JAK2: variants seen among roughly 807,000 people sequenced by gnomAD.
JAK2 encodes Janus kinase 2.
In JAK2, 86 loss-of-function variants were observed where a neutral mutation model predicts 139.3. The observed-to-expected ratio is 0.62, with a 90% CI of 0.52 to 0.74. The LOEUF (loss-of-function observed/expected upper bound fraction) is 0.74. JAK2 is among the 30% of genes least tolerant of loss of function. JAK2 has a pLI of 0.00. For missense variants in JAK2, 1,421 were observed against 1,360.3 expected, an observed-to-expected ratio of 1.04 and a Z score of -0.70; for synonymous variants, 490 against 437.7, an observed-to-expected ratio of 1.12 and a Z score of -1.49.
chr9:5,059,946 G>C (rs146409470), intron 8 of JAK2, among the ~76,000 whole-genome samples: 2 of 152,050 alleles, frequency 1.3e-5, no homozygotes, highest in Non-Finnish European at 2.9e-5. Flanking sequence ...TCTTTTGTAG[G>C]ATGTTTGTAA....
chr9:5,050,583 G>C, intron 5 of JAK2, 103 bp from the exon 6 acceptor site: 1 of 1,228,004 alleles, frequency 8.1e-7, no homozygotes, highest in Non-Finnish European at 1.1e-6. Context: ...TTTGTATCTT[G>C]TAAATGCATA....
chr9:5,041,149 C>T, intron 4 of JAK2: 2 of 1,118,726 alleles, frequency 1.8e-6, no homozygotes, highest in Non-Finnish European at 2.6e-6. Context: ...TCCGGCTGAT[C>T]ACGCGCATGG....
intron 4 of JAK2, among the ~76,000 whole-genome samples, chr9:5,038,595 GATT>G (rs759885892): frequency 2.3e-5 from 2 of 87,446 alleles, no homozygotes; most frequent in African/African-American, 1.5e-4. Context: ...TTGGATTTTA[GATT>G]TTTTTTTTTT....
At chr9:5,041,312 C>T (rs1816490356) in intron 4 of JAK2, 8 of 789,656 alleles carry the variant, frequency 1.0e-5, no homozygotes, top group Non-Finnish European at 1.7e-5. Context: ...GAAGCACATC[C>T]CGTGCAGCCA....
chr9:5,093,465 C>T (rs62543877), intron 22 of JAK2, among the ~76,000 whole-genome samples: 3 of 151,964 alleles, frequency 2.0e-5, no homozygotes, highest in Non-Finnish European at 2.9e-5. Context: ...CTGTCTCTTA[C>T]GTTTAATCAG....
chr9:5,023,344 T>G (rs1055030337), intron 3 of JAK2, among the ~76,000 whole-genome samples: 1 of 152,170 alleles, frequency 6.6e-6, no homozygotes, highest in African/African-American at 2.4e-5. Context: ...ATTACATTCT[T>G]TTTTACGATG....
In JAK2 at chr9:5,054,548, CT is replaced by C. The variant is rs750701291; in HGVS notation, c.615-9del. 9.1e-6 allele frequency: 14 copies of C among 1,537,172 alleles called. No individual in the cohort carries two copies. In the African/African-American group the frequency reaches 1.8e-4, roughly 20 times the overall value. On this transcript the variant is annotated splice_polypyrimidine_tract_variant and intron_variant, in intron 6 of 24. Coordinates refer to ENST00000381652, the MANE Select transcript of JAK2 (RefSeq NM_004972.4). The surrounding 1 kb of genome is among the most constrained non-coding windows in gnomAD (Gnocchi z 4.9). ...GTTTTGTTTTGTTTTTCTGTATGTG[CT>C]TTTTTATCCCTAGCTACAAGACATT...
chr9:5,019,436 T>C (rs1158673689), intron 2 of JAK2, among the ~76,000 whole-genome samples: 1 of 152,140 alleles, frequency 6.6e-6, no homozygotes, highest in Non-Finnish European at 1.5e-5. Flanking sequence ...TCCTGAGTTG[T>C]TTTTCTGGTT....
At chr9:5,056,680 G>C (rs1391494065) in intron 8 of JAK2, among the ~76,000 whole-genome samples, 1 of 152,094 alleles carries the variant, frequency 6.6e-6, no homozygotes, top group African/African-American at 2.4e-5. Context: ...TTTAGAAAAA[G>C]CTTGATAAAT....
intron 5 of JAK2, among the ~76,000 whole-genome samples, chr9:5,046,649 CTG>C (rs1817027587): frequency 6.6e-6 from 1 of 152,166 alleles, no homozygotes; most frequent in Admixed American, 6.5e-5. Flanking sequence ...TGTTGAAAGA[CTG>C]TCTTTTCTCC....
At chr9:5,035,585 AAATCAATAAACG>A (rs1220096752) in intron 4 of JAK2, among the ~76,000 whole-genome samples, 2 of 152,256 alleles carry the variant, frequency 1.3e-5, no homozygotes, top group Non-Finnish European at 2.9e-5. Flanking sequence ...CAACATATGC[AAATCAATAAACG>A]TAATCCAGCA....
chr9:5,123,588 TG>T (rs776952500), intron 23 of JAK2, among the ~76,000 whole-genome samples: 1 of 152,050 alleles, frequency 6.6e-6, no homozygotes, highest in Non-Finnish European at 1.5e-5. Context: ...TCTTTGCTTT[TG>T]TGAAGAATGC....
intron 5 of JAK2, among the ~76,000 whole-genome samples, chr9:5,048,507 T>G (rs931597048): frequency 6.6e-6 from 1 of 152,012 alleles, no homozygotes; most frequent in Non-Finnish European, 1.5e-5. Context: ...ATTGATCATC[T>G]TCTACTTAAA....
chr9:4,999,351 T>G (rs920015462), intron 2 of JAK2, among the ~76,000 whole-genome samples: 1 of 152,188 alleles, frequency 6.6e-6, no homozygotes, highest in Non-Finnish European at 1.5e-5. Context: ...ATATACTGTT[T>G]TAATAGGCAG....
chr9:5,094,701 T>A (rs1298953056), intron 22 of JAK2: 1 of 152,194 alleles, frequency 6.6e-6, no homozygotes, highest in Non-Finnish European at 1.5e-5. Flanking sequence ...AGTTTCAGGC[T>A]TCAATGTCGA....
At chr9:5,026,532 T>C (rs1822793833) in intron 3 of JAK2, among the ~76,000 whole-genome samples, 1 of 152,204 alleles carries the variant, frequency 6.6e-6, no homozygotes, top group Non-Finnish European at 1.5e-5. Context: ...AAAACATAAC[T>C]AGAATAAAAT....
chr9:5,103,865 C>T (rs1299871540), intron 22 of JAK2, among the ~76,000 whole-genome samples: 3 of 152,052 alleles, frequency 2.0e-5, no homozygotes, highest in Non-Finnish European at 4.4e-5. Context: ...TTCTTTGAAA[C>T]CAACGAGAAC....
At chr9:5,002,528 G>T (rs1383084791) in intron 2 of JAK2, among the ~76,000 whole-genome samples, 1 of 151,938 alleles carries the variant, frequency 6.6e-6, no homozygotes, top group Non-Finnish European at 1.5e-5. Context: ...AAATGTTTGA[G>T]AATTGGTTTA....
chr9:5,110,930 G>A, intron 22 of JAK2: 2 of 579,422 alleles, frequency 3.5e-6, no homozygotes, highest in East Asian at 4.2e-5. Context: ...CAGCCGCAGA[G>A]GATGGCATCC....
Sources: allele counts gnomAD v4.1 joint callset (sites outside exome capture counted in the v4.1 genomes callset), GRCh38; gene constraint gnomAD v4.1.1; non-coding constraint Gnocchi (gnomAD v3.1); transcripts MANE v1.5; gene names NCBI Gene and HGNC (gene_info 2026-07-23, HGNC 2026-07-21).